Variants in ROBO2 observed in about 807,000 individuals in gnomAD.
The protein encoded by ROBO2 is roundabout guidance receptor 2.
In ROBO2, 53 loss-of-function variants were observed where a neutral mutation model predicts 160.8. The observed-to-expected ratio is 0.33, with a 90% CI of 0.26 to 0.41. The LOEUF is 0.41. ROBO2 is among the 10% of genes least tolerant of loss of function. The pLI is 1.00. For missense variants in ROBO2, 1,577 were observed against 1,722.4 expected, an observed-to-expected ratio of 0.92 and a Z score of 1.49; for synonymous variants, 664 against 611.7, an observed-to-expected ratio of 1.09 and a Z score of -1.26.
intron 2 of ROBO2, among the ~76,000 whole-genome samples, chr3:76,062,611 C>T (rs981527660): frequency 1.3e-5 from 2 of 152,110 alleles, no homozygotes; most frequent in African/African-American, 4.8e-5. Flanking sequence ...GGCCTGTGTT[C>T]TAGATGCAAG....
intron 19 of ROBO2, 75 bp downstream of exon 20, chr3:77,596,825 TTTA>T: frequency 1.3e-6 from 2 of 1,560,272 alleles, no homozygotes; most frequent in Non-Finnish European, 1.8e-6. Flanking sequence ...CCTGGATTTT[TTTA>T]AAGAAACATA....
At chr3:76,023,225 C>G (rs901435546) in intron 2 of ROBO2, among the ~76,000 whole-genome samples, 1 of 151,664 alleles carries the variant, frequency 6.6e-6, no homozygotes, top group Admixed American at 6.6e-5. Context: ...GTTTTACATT[C>G]TTTATCGTTC....
chr3:76,927,125 C>T (rs781213537), intron 2 of ROBO2, among the ~76,000 whole-genome samples: 2 of 151,928 alleles, frequency 1.3e-5, no homozygotes, highest in South Asian at 2.1e-4. Context: ...TTTTCTTGTT[C>T]CACTCATATG....
chr3:77,346,178 A>G (rs764388276), intron 2 of ROBO2, among the ~76,000 whole-genome samples: 20 of 152,154 alleles, frequency 1.3e-4, no homozygotes, highest in Non-Finnish European at 1.2e-4. Context: ...TAACTCTCAA[A>G]CTTGCATTTA....
intron 2 of ROBO2, among the ~76,000 whole-genome samples, chr3:76,021,756 G>A (rs1448418931): frequency 1.3e-5 from 2 of 151,778 alleles, no homozygotes; most frequent in Non-Finnish European, 2.9e-5. Flanking sequence ...CCTTCATCAA[G>A]TTGTGATTTT....
Position 77,024,566 on chromosome 3 carries a change from G to T in ROBO2, c.110-73448G>T, listed in dbSNP as rs1402167584. ...ACTTAATGTTAAAACTAATGTTAGG[G>T]ATTTGTGGACTCTAACTATACTGAG... On this transcript the variant is annotated intron_variant, in intron 2 of 26. Coordinates refer to the ROBO2 transcript ENST00000487694. 2.0e-5 allele frequency among the ~76,000 whole-genome samples: 3 copies of T among 152,076 alleles called. No homozygotes were observed. The East Asian group carries it at 5.8e-4, about 29-fold the overall frequency.
chr3:77,568,775 C>T (rs1300112685), intron 13 of ROBO2, among the ~76,000 whole-genome samples: 2 of 151,920 alleles, frequency 1.3e-5, no homozygotes, highest in South Asian at 2.1e-4. Flanking sequence ...TTCATCATCC[C>T]CAAATGAAAT....
At chr3:76,793,182 A>C (rs2063477440) in intron 2 of ROBO2, among the ~76,000 whole-genome samples, 2 of 151,468 alleles carry the variant, frequency 1.3e-5, no homozygotes, top group South Asian at 4.1e-4. Context: ...TTTTTAAATT[A>C]AAAAAATTAA....
At chr3:76,427,714 T>C (rs758441169) in intron 2 of ROBO2, among the ~76,000 whole-genome samples, 1 of 152,208 alleles carries the variant, frequency 6.6e-6, no homozygotes. Context: ...AAATGCTTAT[T>C]GTAATTGTAT....
intron 2 of ROBO2, among the ~76,000 whole-genome samples, chr3:76,061,815 G>T (rs188361834): frequency 5.5e-4 from 83 of 152,174 alleles, no homozygotes; most frequent in African/African-American, 1.7e-3. Flanking sequence ...GTATCAGCAG[G>T]ACTGAATTCC....
chr3:76,985,927 T>A (rs945219777), intron 2 of ROBO2, among the ~76,000 whole-genome samples: 17 of 152,210 alleles, frequency 1.1e-4, no homozygotes, highest in African/African-American at 4.1e-4. Flanking sequence ...ACAAGGACAT[T>A]TGTAACTTTT....
chr3:76,027,544 C>T (rs942205648), intron 2 of ROBO2, among the ~76,000 whole-genome samples: 52 of 151,818 alleles, frequency 3.4e-4, no homozygotes, highest in African/African-American at 1.2e-3. Flanking sequence ...CTCCTGAGAT[C>T]CCAGTTCTAA....
chr3:76,877,753 G>C (rs1263189173), intron 2 of ROBO2, among the ~76,000 whole-genome samples: 1 of 152,180 alleles, frequency 6.6e-6, no homozygotes, highest in Non-Finnish European at 1.5e-5. Context: ...TACTGGAGGC[G>C]CATAGCTCAA....
chr3:76,456,785 C>T (rs2077782052), intron 2 of ROBO2, among the ~76,000 whole-genome samples: 1 of 152,112 alleles, frequency 6.6e-6, no homozygotes, highest in Non-Finnish European at 1.5e-5. Flanking sequence ...CTTACAGTTC[C>T]ACATGGCTGG....
At chr3:76,264,725 A>T (rs1158663295) in intron 2 of ROBO2, among the ~76,000 whole-genome samples, 1 of 152,154 alleles carries the variant, frequency 6.6e-6, no homozygotes, top group Non-Finnish European at 1.5e-5. Context: ...TTAGGGTGAC[A>T]TAAGATCAGC....
chr3:76,056,356 T>C (rs2067845421), intron 2 of ROBO2, among the ~76,000 whole-genome samples: 1 of 152,146 alleles, frequency 6.6e-6, no homozygotes, highest in Non-Finnish European at 1.5e-5. Context: ...CATTAGCCCA[T>C]AGAATATAGT....
intron 15 of ROBO2, among the ~76,000 whole-genome samples, 164 bp from the exon 17 acceptor site, chr3:77,579,783 C>T (rs1466541803): frequency 6.6e-6 from 1 of 152,166 alleles, no homozygotes; most frequent in Non-Finnish European, 1.5e-5. Context: ...TACATATACA[C>T]TCAAACTGCA....
intron 2 of ROBO2, among the ~76,000 whole-genome samples, chr3:76,057,799 A>T (rs1249304415): frequency 1.3e-5 from 2 of 152,002 alleles, no homozygotes; most frequent in Non-Finnish European, 2.9e-5. Context: ...TGTCTGAAAA[A>T]TCAGACCATT....
intron 2 of ROBO2, among the ~76,000 whole-genome samples, chr3:75,983,755 C>T (rs2065341239): frequency 6.6e-6 from 1 of 151,332 alleles, no homozygotes; most frequent in Non-Finnish European, 1.5e-5. Context: ...ATTTTGAAGT[C>T]TGCTAATTTA....
Sources: gnomAD v4.1 joint callset for allele counts (sites outside exome capture counted in the v4.1 genomes callset) on GRCh38, gnomAD v4.1.1 for gene constraint, MANE v1.5 for transcripts, NCBI Gene and HGNC (gene_info 2026-07-23, HGNC 2026-07-21) for gene names.